RBFOX1: variants seen among roughly 807,000 people sequenced by gnomAD.
RBFOX1 encodes RNA binding protein fox-1 homolog 1.
Under a neutral mutation model 57.7 loss-of-function variants are expected in RBFOX1, and 8 were observed. That is an observed-to-expected ratio of 0.14 (90% CI 0.08 to 0.25). The LOEUF (loss-of-function observed/expected upper bound fraction) is 0.25. RBFOX1 is among the 10% of genes least tolerant of loss of function. The pLI, the probability that RBFOX1 is intolerant of heterozygous loss-of-function variation, is 1.00. For synonymous variants in RBFOX1, 326 were observed against 222.4 expected, an observed-to-expected ratio of 1.47 and a Z score of -4.15; for missense variants, 611 against 548.5, an observed-to-expected ratio of 1.11 and a Z score of -1.14.
chr16:7,340,119 G>A (rs1035495919), intron 4 of RBFOX1, among the ~76,000 whole-genome samples: 2 of 152,180 alleles, frequency 1.3e-5, no homozygotes. Context: ...AGAGCCAGAG[G>A]GCAGGGTCAG....
chr16:6,360,338 C>G (rs1044457197), intron 2 of RBFOX1, among the ~76,000 whole-genome samples: 1 of 151,804 alleles, frequency 6.6e-6, no homozygotes, highest in Non-Finnish European at 1.5e-5. Flanking sequence ...CTGTTATTGG[C>G]TATATATTTA....
chr16:5,692,126 A>C (rs532546974), intron 3 of RBFOX1, among the ~76,000 whole-genome samples: 2 of 152,176 alleles, frequency 1.3e-5, no homozygotes, highest in Admixed American at 1.3e-4. Context: ...TAAACTAGGC[A>C]AATTCACAAA....
intron 1 of RBFOX1, among the ~76,000 whole-genome samples, chr16:6,210,334 A>C (rs773938185): frequency 1.1e-3 from 121 of 112,268 alleles, no homozygotes; most frequent in Non-Finnish European, 2.0e-3. Context: ...AAAAACAAAA[A>C]AACAAAAAAA....
intron 4 of RBFOX1, among the ~76,000 whole-genome samples, chr16:7,393,543 T>C (rs1367470161): frequency 2.0e-5 from 3 of 152,128 alleles, no homozygotes; most frequent in Non-Finnish European, 4.4e-5. Context: ...AAGTGGTGAA[T>C]TGAAGGAATG....
intron 2 of RBFOX1, among the ~76,000 whole-genome samples, chr16:6,600,792 G>C (rs1203341391): frequency 1.3e-5 from 2 of 151,994 alleles, no homozygotes; most frequent in African/African-American, 4.8e-5. Context: ...TGTGGATCAA[G>C]GACATAGTCA....
chr16:6,298,657 C>G (rs751290546), intron 1 of RBFOX1, among the ~76,000 whole-genome samples: 1 of 152,104 alleles, frequency 6.6e-6, no homozygotes, highest in African/African-American at 2.4e-5. Context: ...TTGGCAACAG[C>G]GCTCATTAAA....
intron 3 of RBFOX1, among the ~76,000 whole-genome samples, chr16:6,763,602 C>T (rs570525437): frequency 1.3e-5 from 2 of 152,136 alleles, no homozygotes; most frequent in Admixed American, 6.5e-5. Flanking sequence ...CATCAACAAC[C>T]ACTTGCCTTT....
At position 6,908,073 on chromosome 16, in the gene RBFOX1, C is replaced by T. The variant is rs539909055; in HGVS notation, c.-15-143984C>T. 7.9e-5 allele frequency among the ~76,000 whole-genome samples: 12 copies of T among 151,928 alleles called. No individual in the cohort carries two copies. In the South Asian group the frequency reaches 2.3e-3, roughly 29 times the overall value. On this transcript the variant is annotated intron_variant, in intron 3 of 15. Coordinates refer to ENST00000550418, the MANE Select transcript of RBFOX1 (RefSeq NM_018723.4). ...TTTACTTGATCTTCTGCAGAGACCC[C>T]ATTTCCAATAAGGTCACATTCACAG...
chr16:7,179,256 G>A (rs78968131), intron 4 of RBFOX1, among the ~76,000 whole-genome samples: 9,034 of 150,894 alleles, frequency 0.06, 348 homozygotes, highest in Non-Finnish European at 0.083. Context: ...AAATACTTAA[G>A]TTATCCTTGC....
intron 4 of RBFOX1, among the ~76,000 whole-genome samples, chr16:7,134,544 A>G (rs1467759732): frequency 6.6e-6 from 1 of 152,116 alleles, no homozygotes; most frequent in Admixed American, 6.6e-5. Context: ...AATTTCATTC[A>G]CAGTTTCCAA....
chr16:7,266,169 G>A (rs932011011), intron 4 of RBFOX1, among the ~76,000 whole-genome samples: 2 of 151,858 alleles, frequency 1.3e-5, no homozygotes, highest in African/African-American at 4.8e-5. Flanking sequence ...TACAGACGGG[G>A]TTTCACTGTG....
chr16:7,012,433 A>G (rs2093696200), intron 3 of RBFOX1, among the ~76,000 whole-genome samples: 1 of 152,194 alleles, frequency 6.6e-6, no homozygotes, highest in South Asian at 2.1e-4. Flanking sequence ...GTCATAGGCA[A>G]GGAGCCTTCA....
chr16:6,025,991 G>C (rs528204782), intron 1 of RBFOX1, among the ~76,000 whole-genome samples: 1 of 152,272 alleles, frequency 6.6e-6, no homozygotes, highest in South Asian at 2.1e-4. Context: ...TGTGTGTTGT[G>C]CTATGTGTTT....
intron 5 of RBFOX1, among the ~76,000 whole-genome samples, chr16:7,545,680 C>G (rs1284150474): frequency 6.6e-6 from 1 of 152,144 alleles, no homozygotes; most frequent in Non-Finnish European, 1.5e-5. Flanking sequence ...TTGCCCGACA[C>G]GGTGACTTGA....
chr16:7,480,023 C>T (rs1328154743), intron 4 of RBFOX1, among the ~76,000 whole-genome samples: 4 of 152,146 alleles, frequency 2.6e-5, no homozygotes, highest in Non-Finnish European at 4.4e-5. Context: ...TGTTCCCCAC[C>T]GATGTCCATG....
intron 4 of RBFOX1, among the ~76,000 whole-genome samples, chr16:5,968,785 T>C (rs563864884): frequency 4.6e-5 from 7 of 152,166 alleles, no homozygotes; most frequent in Non-Finnish European, 1.0e-4. Flanking sequence ...ATAGGATTTT[T>C]AGAATTTGTT....
At chr16:7,511,189 G>A (rs1401564916) in intron 4 of RBFOX1, among the ~76,000 whole-genome samples, 1 of 152,116 alleles carries the variant, frequency 6.6e-6, no homozygotes, top group Non-Finnish European at 1.5e-5. Flanking sequence ...TTTCCTGTTC[G>A]GCCACTTAAA....
At chr16:7,467,820 A>G (rs138233325) in intron 4 of RBFOX1, among the ~76,000 whole-genome samples, 368 of 152,338 alleles carry the variant, frequency 2.4e-3, no homozygotes, top group African/African-American at 8.4e-3. Flanking sequence ...CAGTCTTTAC[A>G]GAGTCCTTCT....
rs957141209 is a variant in RBFOX1, at chr16:5,876,138, C to T, written c.351+8803C>T. Among the ~76,000 whole-genome samples the T allele has an allele frequency of 5.3e-5, 8 of 152,200 alleles. No individual in the cohort carries two copies. The East Asian group carries it at 7.7e-4, about 15-fold the overall frequency. Reference sequence around the variant, plus strand: ...GATTACAGGTGTGAACCACCGCGCCCGGCCTATCCCACAATTTTTACCTTG... The same window carrying T: ...GATTACAGGTGTGAACCACCGCGCCTGGCCTATCCCACAATTTTTACCTTG... On this transcript the variant is annotated intron_variant, in intron 4 of 19. Coordinates refer to the RBFOX1 transcript ENST00000641259.
Sources: gnomAD v4.1 joint callset for allele counts (sites outside exome capture counted in the v4.1 genomes callset) on GRCh38, gnomAD v4.1.1 for gene constraint, MANE v1.5 for transcripts, NCBI Gene and HGNC (gene_info 2026-07-23, HGNC 2026-07-21) for gene names.